The following ZFAND3 variants were observed in gnomAD, a reference collection of about 807,000 sequenced individuals.
ZFAND3 encodes the protein zinc finger AN1-type containing 3.
A neutral mutation model predicts 29.6 loss-of-function variants in ZFAND3; 10 were observed. The ratio of observed to expected loss-of-function variants is 0.34; its 90% confidence interval spans 0.21 to 0.57. The LOEUF is 0.57. Among genes scored for constraint, ZFAND3 ranks in the 20% least tolerant of loss-of-function variants. The pLI is 0.86. For synonymous variants in ZFAND3, 128 were observed against 112.6 expected (o/e 1.14, Z -0.87); for missense variants, 230 against 304.5 (o/e 0.76, Z 1.82).
chr6:38,002,232 A>G (rs1272156264), intron 2 of ZFAND3, among the ~76,000 whole-genome samples: 1 of 151,718 alleles, frequency 6.6e-6, no homozygotes, highest in Non-Finnish European at 1.5e-5. Flanking sequence ...CAAAGATGAT[A>G]CCCTCAGGAA....
chr6:38,030,544 A>C (rs1009534294), intron 2 of ZFAND3, among the ~76,000 whole-genome samples: 1 of 152,194 alleles, frequency 6.6e-6, no homozygotes, highest in Non-Finnish European at 1.5e-5. Flanking sequence ...AGAAAAGGAC[A>C]CATTTCATTC....
intron 2 of ZFAND3, among the ~76,000 whole-genome samples, chr6:37,979,529 G>T (rs149953657): frequency 6.6e-6 from 1 of 152,318 alleles, no homozygotes; most frequent in East Asian, 1.9e-4. Flanking sequence ...GGTGCTCAAT[G>T]TAGAGTTAAT....
chr6:38,110,445 C>G (rs1294805814), intron 4 of ZFAND3, among the ~76,000 whole-genome samples: 1 of 152,072 alleles, frequency 6.6e-6, no homozygotes, highest in African/African-American at 2.4e-5. Flanking sequence ...ACCTGTAAAG[C>G]AGGTTTTTTT....
intron 2 of ZFAND3, among the ~76,000 whole-genome samples, chr6:37,967,355 AGTAGTTTCT>A (rs1762311480): frequency 6.6e-6 from 1 of 152,186 alleles, no homozygotes; most frequent in Non-Finnish European, 1.5e-5. Context: ...GAGTAGTTTC[AGTAGTTTCT>A]TGCTTTCTGG....
intron 1 of ZFAND3, among the ~76,000 whole-genome samples, chr6:37,850,538 C>G (rs192118866): frequency 6.6e-6 from 1 of 152,214 alleles, no homozygotes; most frequent in East Asian, 1.9e-4. Flanking sequence ...TGTACCATTG[C>G]TATGTTTAGA....
At chr6:38,106,197 T>G (rs1765205641) in intron 4 of ZFAND3, among the ~76,000 whole-genome samples, 1 of 151,904 alleles carries the variant, frequency 6.6e-6, no homozygotes. Context: ...CACTGCCCAG[T>G]CTGGAGTGCA....
At chr6:38,007,508 G>T (rs1341618871) in intron 2 of ZFAND3, among the ~76,000 whole-genome samples, 1 of 152,126 alleles carries the variant, frequency 6.6e-6, no homozygotes, top group Non-Finnish European at 1.5e-5. Flanking sequence ...TTGTGCCACT[G>T]CACTCCAGTC....
intron 5 of ZFAND3, among the ~76,000 whole-genome samples, chr6:38,124,335 C>T (rs886217821): frequency 7.9e-5 from 12 of 152,246 alleles, no homozygotes; most frequent in Non-Finnish European, 1.2e-4. Context: ...CCGCAATCCT[C>T]AGCCCTTGGG....
chr6:38,091,609 A>C (rs543181374), intron 4 of ZFAND3, among the ~76,000 whole-genome samples: 1 of 148,940 alleles, frequency 6.7e-6, no homozygotes, highest in Non-Finnish European at 1.5e-5. Flanking sequence ...AAGCAGTCTT[A>C]CCAGAAGGAG....
intron 1 of ZFAND3, among the ~76,000 whole-genome samples, chr6:37,900,925 A>G (rs1341227399): frequency 6.6e-6 from 1 of 152,224 alleles, no homozygotes; most frequent in Non-Finnish European, 1.5e-5. Context: ...AAGGACCTAC[A>G]AGAAACTGGT....
intron 2 of ZFAND3, among the ~76,000 whole-genome samples, chr6:37,951,329 A>G (rs1005641410): frequency 1.3e-5 from 2 of 152,172 alleles, no homozygotes; most frequent in Admixed American, 6.5e-5. Flanking sequence ...GCAGTTGCTC[A>G]CGCCTGAAAT....
intron 1 of ZFAND3, among the ~76,000 whole-genome samples, chr6:37,821,500 G>A (rs1305901454): frequency 2.0e-5 from 3 of 152,172 alleles, no homozygotes; most frequent in African/African-American, 7.2e-5. Context: ...TATTAGCTGG[G>A]GAAACTGAGG....
intron 4 of ZFAND3, among the ~76,000 whole-genome samples, chr6:38,083,090 A>C (rs943274712): frequency 6.6e-6 from 1 of 152,164 alleles, no homozygotes; most frequent in Admixed American, 6.5e-5. Context: ...CTGCTATTTA[A>C]AATATCTCAA....
At chr6:38,015,325 C>T (rs1247838956) in intron 2 of ZFAND3, among the ~76,000 whole-genome samples, 2 of 152,154 alleles carry the variant, frequency 1.3e-5, no homozygotes, top group East Asian at 3.9e-4. Context: ...ATGTCTGGCA[C>T]TGCCAAATGT....
At chr6:38,072,085 G>A (rs760959619) in intron 3 of ZFAND3, among the ~76,000 whole-genome samples, 4 of 152,110 alleles carry the variant, frequency 2.6e-5, no homozygotes, top group Non-Finnish European at 5.9e-5. Flanking sequence ...GATGCTTTGT[G>A]GTGGTAACAA....
intron 5 of ZFAND3, among the ~76,000 whole-genome samples, chr6:38,118,614 G>A (rs1765466010): frequency 6.7e-6 from 1 of 150,000 alleles, no homozygotes; most frequent in South Asian, 2.1e-4. Flanking sequence ...CCCCGGCAGT[G>A]GCTAATGCTT....
intron 1 of ZFAND3, among the ~76,000 whole-genome samples, chr6:37,915,086 A>G (rs1761217542): frequency 6.6e-6 from 1 of 152,166 alleles, no homozygotes; most frequent in Non-Finnish European, 1.5e-5. Flanking sequence ...GTACAACAGC[A>G]CTTGCTGCTT....
Position 37,819,830 on chromosome 6 carries a change from T to G in ZFAND3, c.-116T>G. ...CGCGCCCGCCCGCGCGCCCGCTCCT[T>G]CCCCCTCCCCCCGCCCCGAGCCCCC... On this transcript the variant is annotated 5_prime_UTR_variant, in exon 1 of 6. Transcript: ENST00000287218. 2.1e-5 allele frequency: 11 copies of G among 519,902 alleles called. No individual in the cohort carries two copies. Among genetic ancestry groups the G allele is most frequent in the East Asian group, 7.9e-5 (1 of 12,654 alleles). 32.2% of individuals were successfully genotyped at this position (519,902 alleles called of 1,614,324 possible).
intron 1 of ZFAND3, among the ~76,000 whole-genome samples, chr6:37,888,118 A>C (rs1490554422): frequency 6.6e-6 from 1 of 152,114 alleles, no homozygotes; most frequent in Non-Finnish European, 1.5e-5. Flanking sequence ...CTTTCTGGTA[A>C]GTACCTACGT....
Sources: gnomAD v4.1 joint callset for allele counts (sites outside exome capture counted in the v4.1 genomes callset) on GRCh38, gnomAD v4.1.1 for gene constraint, MANE v1.5 for transcripts, NCBI Gene and HGNC (gene_info 2026-07-23, HGNC 2026-07-21) for gene names.